The following PLCG2 variants were observed in gnomAD, a reference collection of about 807,000 sequenced individuals.
PLCG2 encodes the protein 1-phosphatidylinositol 4,5-bisphosphate phosphodiesterase gamma-2.
In PLCG2, 69 loss-of-function variants were observed where a neutral mutation model predicts 175.6. The observed-to-expected ratio is 0.39, with a 90% confidence interval of 0.32 to 0.48. The LOEUF is 0.48. PLCG2 is among the 20% of genes least tolerant of loss of function. The probability of loss-of-function intolerance (pLI) is 0.91; values close to 1 mark genes in which losing one functional copy is unlikely to be tolerated. For synonymous variants in PLCG2, 827 were observed against 624.0 expected, an observed-to-expected ratio of 1.33 and a Z score of -4.85; for missense variants, 1,798 against 1,650.9, an observed-to-expected ratio of 1.09 and a Z score of -1.54.
chr16:81,823,079 G>C (rs1243800166), intron 2 of PLCG2, among the ~76,000 whole-genome samples: 2 of 152,250 alleles, frequency 1.3e-5, no homozygotes, highest in Non-Finnish European at 2.9e-5. Context: ...CAGCCGTAGG[G>C]CACTTATAAA....
chr16:81,750,422 C>CAA (rs35697599), intron 1 of PLCG2, among the ~76,000 whole-genome samples: 10,455 of 109,690 alleles, frequency 0.095, 1,101 homozygotes, highest in African/African-American at 0.27. Flanking sequence ...GACTCTGTCT[C>CAA]AAAAAAAAAA....
At chr16:81,776,996 C>A (rs1055187898), upstream of PLCG2, among the ~76,000 whole-genome samples, 5 of 151,920 alleles carry the variant, frequency 3.3e-5, no homozygotes, top group African/African-American at 1.2e-4. Flanking sequence ...AAAAAATGAG[C>A]CAAAGAAGAA....
chr16:81,900,537 C>T (rs1429203877), intron 13 of PLCG2, 75 bp from the exon 14 acceptor site: 2 of 1,399,146 alleles, frequency 1.4e-6, no homozygotes, highest in Admixed American at 2.2e-5. Context: ...CAGGGAGCTG[C>T]CCTGGCCCCT....
At chr16:81,903,013 A>G (rs1356300862) in intron 14 of PLCG2, among the ~76,000 whole-genome samples, 4 of 152,240 alleles carry the variant, frequency 2.6e-5, no homozygotes, top group Admixed American at 6.5e-5. Flanking sequence ...CGTGGGAATT[A>G]TAGGAGCTGC....
intron 10 of PLCG2, 64 bp downstream of exon 10, chr16:81,889,337 G>A (rs1175689935): frequency 1.2e-6 from 1 of 868,116 alleles, no homozygotes; most frequent in Non-Finnish European, 1.9e-6. Context: ...TGCTTTCTGA[G>A]GTTTATTTTC....
intron 25 of PLCG2, among the ~76,000 whole-genome samples, chr16:81,932,821 C>G (rs1220619349): frequency 1.3e-5 from 2 of 152,242 alleles, no homozygotes; most frequent in East Asian, 1.9e-4. Context: ...CTTCCCATGG[C>G]TTTTCACACC....
At chr16:81,915,868 T>G (rs1184472007) in intron 19 of PLCG2, among the ~76,000 whole-genome samples, 1 of 152,138 alleles carries the variant, frequency 6.6e-6, no homozygotes. Context: ...GAGGATATTC[T>G]CTCTATAAAA....
chr16:81,926,082 A>T (rs1910259708), intron 22 of PLCG2, among the ~76,000 whole-genome samples: 1 of 112,660 alleles, frequency 8.9e-6, no homozygotes, highest in Non-Finnish European at 2.0e-5. Context: ...GCTGAGTCTT[A>T]AATTAGTGGG....
chr16:81,742,597 A>G (rs183756881), intron 1 of PLCG2, among the ~76,000 whole-genome samples: 1 of 152,330 alleles, frequency 6.6e-6, no homozygotes, highest in Admixed American at 6.5e-5. Context: ...AGGAGCGCTT[A>G]GTATGTGCTG....
At chr16:81,907,050 A>C (rs1007073477) in intron 15 of PLCG2, among the ~76,000 whole-genome samples, 8 of 151,810 alleles carry the variant, frequency 5.3e-5, no homozygotes, top group Non-Finnish European at 1.0e-4. Flanking sequence ...AAAAAAAAAA[A>C]AAAAACAGTG....
At chr16:81,874,196 T>C (rs1434760174) in intron 7 of PLCG2, among the ~76,000 whole-genome samples, 1 of 152,202 alleles carries the variant, frequency 6.6e-6, no homozygotes, top group African/African-American at 2.4e-5. Flanking sequence ...GATATTTGGC[T>C]TCCCTTAGGA....
In PLCG2 at chr16:81,916,256, A is replaced by AT. The variant is rs201247651; in HGVS notation, c.2055-3218dup. On this transcript the variant is annotated intron_variant, in intron 19 of 32. Transcript: ENST00000564138. The stretch of plus-strand genomic sequence containing the variant: ...TTGACGAAATCGCTTAAAGCAATAT[A>AT]TTTTTTTTTTCAAAAGACTGGAAAT... 4.0e-3 allele frequency among the ~76,000 whole-genome samples: 597 copies of AT among 150,038 alleles called. 2 individuals carry two copies. Among genetic ancestry groups the AT allele is most frequent in the African/African-American group, 0.013 (541 of 40,922 alleles).
At chr16:81,884,380 C>T (rs774696738) in intron 9 of PLCG2, among the ~76,000 whole-genome samples, 4 of 151,668 alleles carry the variant, frequency 2.6e-5, no homozygotes, top group African/African-American at 9.7e-5. Context: ...CACCCCCACC[C>T]CACCAAAAAA....
At chr16:81,778,022 AAAAAAAAAAC>A (rs1910490460), upstream of PLCG2, among the ~76,000 whole-genome samples, 5 of 83,350 alleles carry the variant, frequency 6.0e-5, no homozygotes, top group East Asian at 2.5e-4. Context: ...GTCTCAAAAA[AAAAAAAAAAC>A]AAAAAAAAAA....
At chr16:81,799,923 G>T (rs898527864) in intron 2 of PLCG2, among the ~76,000 whole-genome samples, 3 of 152,140 alleles carry the variant, frequency 2.0e-5, no homozygotes, top group African/African-American at 7.2e-5. Flanking sequence ...GTCGATGTTG[G>T]TTTAAAAAAT....
At chr16:81,748,289 C>T (rs970668748) in intron 1 of PLCG2, among the ~76,000 whole-genome samples, 2 of 152,028 alleles carry the variant, frequency 1.3e-5, no homozygotes, top group African/African-American at 2.4e-5. Context: ...ACTCAGGAGG[C>T]TGAGGCATGA....
intron 2 of PLCG2, among the ~76,000 whole-genome samples, chr16:81,822,472 C>A (rs926357374): frequency 1.3e-5 from 2 of 151,992 alleles, no homozygotes; most frequent in South Asian, 4.1e-4. Context: ...AAGAAAAAGG[C>A]GGGGCTGGGG....
Position 81,774,177 on chromosome 16 carries a change from C to CAAAAA in PLCG2, c.-47-11744_-47-11740dup, listed in dbSNP as rs57503150. Among the ~76,000 whole-genome samples, 13 of 40,530 alleles carry CAAAAA rather than the reference C, an allele frequency of 3.2e-4. 1 individual carries two copies. Among genetic ancestry groups the CAAAAA allele is most frequent in the Non-Finnish European group, 4.0e-4 (10 of 25,050 alleles). 26.6% of individuals were successfully genotyped at this position (40,530 alleles called of 152,430 possible). Reference sequence around the variant, plus strand: ...TGAAATCCCGTCTCTACTAAAAATACAAAAAAAAAAAAAAAAAAAAAAAAA... The same window carrying CAAAAA: ...TGAAATCCCGTCTCTACTAAAAATACAAAAAAAAAAAAAAAAAAAAAAAAAAAAAA... On this transcript the variant is annotated intron_variant, in intron 2 of 5. Coordinates refer to the PLCG2 transcript ENST00000565054.
intron 2 of PLCG2, among the ~76,000 whole-genome samples, chr16:81,853,444 T>C (rs72832080): frequency 0.02 from 2,973 of 152,300 alleles, 47 homozygotes; most frequent in South Asian, 0.042. Flanking sequence ...ACCAGTTTCA[T>C]AGAAGACAGT....
Sources: allele counts gnomAD v4.1 joint callset (sites outside exome capture counted in the v4.1 genomes callset), GRCh38; gene constraint gnomAD v4.1.1; transcripts MANE v1.5; gene names NCBI Gene and HGNC (gene_info 2026-07-23, HGNC 2026-07-21).